The following MYH10 variants were observed in gnomAD, a reference collection of about 807,000 sequenced individuals.
MYH10 encodes myosin heavy chain 10, also known as myosin-10.
Under a neutral mutation model 257.8 loss-of-function variants are expected in MYH10, and 55 were observed. The observed-to-expected ratio is 0.21, with a 90% CI of 0.17 to 0.27. MYH10 has a LOEUF of 0.27. Among genes scored for constraint, MYH10 ranks in the 10% least tolerant of loss-of-function variants. The pLI, the probability that MYH10 is intolerant of heterozygous loss-of-function variation, is 1.00. For synonymous variants in MYH10, 854 were observed against 921.7 expected (o/e 0.93, Z 1.33); for missense variants, 1,631 against 2,500.6 (o/e 0.65, Z 7.42).
intron 14 of MYH10, among the ~76,000 whole-genome samples, chr17:8,539,410 C>T (rs891200061): frequency 1.3e-5 from 2 of 152,064 alleles, no homozygotes; most frequent in African/African-American, 4.8e-5. Flanking sequence ...TGCCTTTTTC[C>T]GAATTCACAG....
intron 21 of MYH10, among the ~76,000 whole-genome samples, chr17:8,517,124 G>A (rs2081497551): frequency 6.6e-6 from 1 of 152,148 alleles, no homozygotes; most frequent in African/African-American, 2.4e-5. Context: ...CTCAGCGACA[G>A]AGCGAGACTC....
chr17:8,519,244 T>C (rs1389953454), intron 19 of MYH10, among the ~76,000 whole-genome samples: 1 of 152,224 alleles, frequency 6.6e-6, no homozygotes, highest in Non-Finnish European at 1.5e-5. Context: ...TTTTTCTTCA[T>C]GTCCCATAAA....
intron 34 of MYH10, 133 bp downstream of exon 34, chr17:8,492,164 G>C (rs567905654): frequency 9.6e-5 from 81 of 845,046 alleles, no homozygotes; most frequent in Admixed American, 2.4e-4. Flanking sequence ...AACACTCCTA[G>C]ATGGCTTTGC....
intron 16 of MYH10, among the ~76,000 whole-genome samples, chr17:8,534,346 G>C (rs2082082877): frequency 6.6e-6 from 1 of 152,166 alleles, no homozygotes; most frequent in South Asian, 2.1e-4. Context: ...CCCACAGTCT[G>C]CTCCCAGGAC....
rs1422905075 is a variant in MYH10 at position 8,490,990 on chromosome 17, AGG to A, written c.4672-440_4672-439del. Reference sequence around the variant, plus strand: ...GCACATGTGGAAACTGCTGATTATTAGGGTGGCTTGGGCCTAAGAAGCAGGGC... The same window carrying A: ...GCACATGTGGAAACTGCTGATTATTAGTGGCTTGGGCCTAAGAAGCAGGGC... On this transcript the variant is annotated intron_variant, in intron 34 of 42. Transcript: ENST00000360416. The surrounding 1 kb of genome is among the most constrained non-coding windows in gnomAD (Gnocchi z 4.1). Among the ~76,000 whole-genome samples, 1 of 152,250 alleles carries A rather than the reference AGG, an allele frequency of 6.6e-6. No individual in the cohort carries two copies. Among genetic ancestry groups the A allele is most frequent in the East Asian group, 1.9e-4 (1 of 5,204 alleles).
chr17:8,506,214 C>T lies in MYH10; in HGVS notation c.3386+104G>A. 1 of 1,216,696 alleles carries T rather than the reference C, an allele frequency of 8.2e-7. No individual in the cohort carries two copies. Among genetic ancestry groups the T allele is most frequent in the Non-Finnish European group, 1.1e-6 (1 of 902,412 alleles). 75.4% of individuals were successfully genotyped at this position (1,216,696 alleles called of 1,614,324 possible). A position where few individuals can be genotyped will look rare whatever the true frequency, so the allele number is the denominator to read the frequency against. ...AGGTCACACCAAACAGCAAGCAAAC[C>T]CCATCTCACTCTCCCAGGGTTTTTG... is the stretch of plus-strand genomic sequence containing the variant. On this transcript the variant is annotated intron_variant, in intron 27 of 42. Transcript: ENST00000360416. The surrounding 1 kb of genome is among the most constrained non-coding windows in gnomAD (Gnocchi z 5.0).
intron 7 of MYH10, chr17:8,561,572 T>C (rs1845589): frequency 0.99 from 856,514 of 865,296 alleles, 424,358 homozygotes; most frequent in East Asian, 1. Context: ...CCAAAGCCCA[T>C]GTAAGGAGCT....
At chr17:8,578,030 T>G (rs2152022145) in intron 4 of MYH10, among the ~76,000 whole-genome samples, 1 of 152,256 alleles carries the variant, frequency 6.6e-6, no homozygotes, top group South Asian at 2.1e-4. Flanking sequence ...TAATATGATT[T>G]AATCTGAAGC....
chr17:8,512,795 A>G (rs1362022973), intron 23 of MYH10, 138 bp from the exon 24 acceptor site: 8 of 709,168 alleles, frequency 1.1e-5, no homozygotes, highest in Non-Finnish European at 1.8e-5. Context: ...AGAACTTTCA[A>G]ATACGTTTTT....
intron 4 of MYH10, among the ~76,000 whole-genome samples, chr17:8,581,646 TA>T (rs1325034919): frequency 6.6e-6 from 1 of 152,204 alleles, no homozygotes; most frequent in Non-Finnish European, 1.5e-5. Context: ...GAGGATAGAT[TA>T]TGGGTCTTAT....
At chr17:8,489,554 AT>A (rs1915407815) in intron 35 of MYH10, among the ~76,000 whole-genome samples, 1 of 152,106 alleles carries the variant, frequency 6.6e-6, no homozygotes, top group Admixed American at 6.5e-5. Context: ...AAATACAAAA[AT>A]TAGCTGGGCA....
chr17:8,515,742 C>T (rs1445102951), intron 21 of MYH10, among the ~76,000 whole-genome samples: 1 of 151,814 alleles, frequency 6.6e-6, no homozygotes, highest in East Asian at 1.9e-4. Context: ...CAGGGTTTCA[C>T]CATGTTGGCC....
Position 8,477,053 on chromosome 17 carries a change from G to A in MYH10, c.5707-5C>T. ...CCGAGCGTTGGCCTTCTCCATCTTGGGGAGGGTACATGAACCAAAACAAAC... is the reference window on the plus strand; with the variant it reads ...CCGAGCGTTGGCCTTCTCCATCTTGAGGAGGGTACATGAACCAAAACAAAC... On this transcript the variant is annotated splice_region_variant and splice_polypyrimidine_tract_variant and intron_variant, in intron 41 of 42. Coordinates refer to ENST00000360416, the MANE Select transcript of MYH10 (RefSeq NM_001256012.3). The surrounding 1 kb of genome is among the most constrained non-coding windows in gnomAD (Gnocchi z 4.2). 6.2e-7 allele frequency: 1 copy of A among 1,613,846 alleles called. No individual in the cohort carries two copies. Among genetic ancestry groups the A allele is most frequent in the Admixed American group, 1.7e-5 (1 of 60,028 alleles).
rs376564267 is a variant in MYH10 at position 8,509,793 on chromosome 17, T to C, written c.3090+19A>G. 2.5e-6 allele frequency: 4 copies of C among 1,584,832 alleles called. No individual in the cohort carries two copies. Among genetic ancestry groups the C allele is most frequent in the Non-Finnish European group, 2.6e-6 (3 of 1,167,976 alleles). ...TTTTCTGTAACTAAAATCAGCTTTT[T>C]GTGGGAACACTCTCTTACTTTGATG... On this transcript the variant is annotated intron_variant, in intron 25 of 42. Coordinates refer to ENST00000360416, the MANE Select transcript of MYH10 (RefSeq NM_001256012.3).
rs1597597831 is a variant in MYH10 at position 8,481,567 on chromosome 17, C to T, written c.5176-157G>A. 4 of 636,342 alleles carry T rather than the reference C, an allele frequency of 6.3e-6. No homozygotes were observed. In the East Asian group the frequency reaches 1.2e-4, roughly 19 times the overall value. 39.4% of individuals were successfully genotyped at this position (636,342 alleles called of 1,614,324 possible). On this transcript the variant is annotated intron_variant, in intron 37 of 42. Coordinates refer to ENST00000360416, the MANE Select transcript of MYH10 (RefSeq NM_001256012.3). The stretch of plus-strand genomic sequence containing the variant: ...TGAGAAATTAAACTGTCAAGAAAAT[C>T]TGCTCGGTGCAGGCCAGCCAGGTGG...
intron 3 of MYH10, among the ~76,000 whole-genome samples, chr17:8,596,436 G>A (rs945107306): frequency 6.6e-6 from 1 of 152,160 alleles, no homozygotes; most frequent in African/African-American, 2.4e-5. Context: ...ATGGGCGTAA[G>A]CCACTGTGCC....
Position 8,484,262 on chromosome 17 carries a change from T to G in MYH10, c.5051A>C (p.Gln1684Pro). ...VIKQLRKLQA[Q>P]MKDYQRELEE... is the part of the protein sequence containing the mutation. ...TAATTCACGTTGGTAATCCTTCATCTGAGCCTAAGATTAAATAAGAAGGTT... is the reference window on the plus strand; with the variant it reads ...TAATTCACGTTGGTAATCCTTCATCGGAGCCTAAGATTAAATAAGAAGGTT... The change falls in exon 37 of 43, where the codon CAG (glutamine) becomes CCG (proline). Residue 1684 changes from glutamine (Q) to proline (P), a missense_variant. Coordinates refer to ENST00000360416, the MANE Select transcript of MYH10 (RefSeq NM_001256012.3). 6.2e-7 allele frequency: 1 copy of G among 1,607,312 alleles called. No individual in the cohort carries two copies. Among genetic ancestry groups the G allele is most frequent in the Non-Finnish European group, 8.5e-7 (1 of 1,178,130 alleles).
rs56144668 is a variant in MYH10 at position 8,511,015 on chromosome 17, CATATATATATATAT to C, written c.2953-1080_2953-1067del. 3.4e-3 allele frequency: 412 copies of C among 120,542 alleles called. 9 individuals carry two copies. Among genetic ancestry groups the C allele is most frequent in the African/African-American group, 0.015 (381 of 25,986 alleles). 7.5% of individuals were successfully genotyped at this position (120,542 alleles called of 1,614,324 possible). On this transcript the variant is annotated intron_variant, in intron 24 of 42. Coordinates refer to ENST00000360416, the MANE Select transcript of MYH10 (RefSeq NM_001256012.3). Reference sequence around the variant, plus strand: ...CTGTATCAAAACATCTCATGTACCCCATATATATATATATATATATATATATATATATATATATA... The same window carrying C: ...CTGTATCAAAACATCTCATGTACCCCATATATATATATATATATATATATA...
chr17:8,584,492 T>G (rs1182111904), intron 4 of MYH10, among the ~76,000 whole-genome samples: 1 of 152,214 alleles, frequency 6.6e-6, no homozygotes, highest in Non-Finnish European at 1.5e-5. Flanking sequence ...CAAAGCTGTG[T>G]GACAGGAATT....
Sources: allele counts gnomAD v4.1 joint callset (sites outside exome capture counted in the v4.1 genomes callset), GRCh38; gene constraint gnomAD v4.1.1; non-coding constraint Gnocchi (gnomAD v3.1); transcripts MANE v1.5; gene names NCBI Gene and HGNC (gene_info 2026-07-23, HGNC 2026-07-21).